The following ZNF850 variants were observed in gnomAD, a reference collection of about 807,000 sequenced individuals.
ZNF850 encodes the protein putative zinc finger protein ENSP00000330994.
ZNF850 carries 2 observed loss-of-function variants against 11.9 expected under a neutral mutation model. The observed-to-expected ratio is 0.17, with a 90% CI of 0.07 to 0.53. The LOEUF (loss-of-function observed/expected upper bound fraction) is 0.53. Among genes scored for constraint, ZNF850 ranks in the 20% least tolerant of loss-of-function variants. The pLI, the probability that ZNF850 is intolerant of heterozygous loss-of-function variation, is 0.94. For missense variants in ZNF850, 1,014 were observed against 1,316.4 expected (o/e 0.77, Z 3.55); for synonymous variants, 381 against 443.0 (o/e 0.86, Z 1.76).
In ZNF850 at chr19:36,748,430, A is replaced by G. The variant is rs1181365113; in HGVS notation, c.2610T>C (p.His870=). 1.3e-6 allele frequency: 2 copies of G among 1,560,578 alleles called. No homozygotes were observed. The highest frequency in any genetic ancestry group is 2.4e-5 in the East Asian group (1 of 42,216). The stretch of plus-strand genomic sequence containing the variant: ...CAAAAGATTTTCCACATTCCTTACA[A>G]TGATAGGGTTTCTCACCAGTGTGAA... ...QRIHTGEKPY[H]CKECGKSFAF... is the part of the protein sequence containing the mutation. Residue 870 remains histidine, a synonymous_variant, in exon 5 of 5, where the codon CAT becomes CAC. Coordinates refer to ENST00000591344, the MANE Select transcript of ZNF850 (RefSeq NM_001193552.2).
Position 36,761,673 on chromosome 19 carries a change from A to G in ZNF850, c.205T>C (p.Ser69Pro). The G allele has an allele frequency of 6.4e-7, 1 of 1,560,900 alleles. No individual in the cohort carries two copies. Among genetic ancestry groups the G allele is most frequent in the East Asian group, 2.3e-5 (1 of 43,434 alleles). Reference sequence around the variant, plus strand: ...CACCATCCTCCCAGCACGTCCCTTGAAACCATCCAGGGCTCTTTCCCTTGC... The same window carrying G: ...CACCATCCTCCCAGCACGTCCCTTGGAACCATCCAGGGCTCTTTCCCTTGC... Reference protein sequence around the residue: ...LEQGKEPWMVSRDVLGGWCRD... With the variant: ...LEQGKEPWMVPRDVLGGWCRD... Residue 69 changes from serine to proline, a missense_variant, in exon 4 of 5, where the codon TCA becomes CCA. Around this residue, in one of 2 missense-constraint regions of ZNF850, gnomAD observed 835 missense variants for 1,022.0 expected, o/e 0.82. Coordinates refer to ENST00000591344, the MANE Select transcript of ZNF850 (RefSeq NM_001193552.2).
At chr19:36,763,700 A>C (rs775539974) in intron 1 of ZNF850, among the ~76,000 whole-genome samples, 7 of 152,090 alleles carry the variant, frequency 4.6e-5, no homozygotes, top group African/African-American at 1.7e-4. Context: ...AGGCCAAGGC[A>C]GATGAATTGC....
rs969017526 is a variant in ZNF850, at chr19:36,745,992, T to C, written c.*1775A>G. On this transcript the variant is annotated 3_prime_UTR_variant, in exon 5 of 5. Coordinates refer to ENST00000591344, the MANE Select transcript of ZNF850 (RefSeq NM_001193552.2). ...TGCAAGATGTTTTCTCAGCAAGGTCTTTATGACCTGTATCTTATGCTGACC... is the reference window on the plus strand; with the variant it reads ...TGCAAGATGTTTTCTCAGCAAGGTCCTTATGACCTGTATCTTATGCTGACC... The C allele has an allele frequency of 6.6e-6, 1 of 152,246 alleles. No homozygotes were observed. The highest frequency in any genetic ancestry group is 2.4e-5 in the African/African-American group (1 of 41,466). The allele number at this position is 152,246 out of a possible 1,614,324, so 9.4% of individuals were successfully genotyped here.
chr19:36,751,901 T>C (rs927847706), intron 4 of ZNF850, among the ~76,000 whole-genome samples: 6 of 152,104 alleles, frequency 3.9e-5, no homozygotes, highest in South Asian at 2.1e-4. Context: ...GGAAACTACA[T>C]GTGATGTATA....
chr19:36,753,485 C>T (rs2040467040), intron 4 of ZNF850, among the ~76,000 whole-genome samples: 2 of 144,134 alleles, frequency 1.4e-5, no homozygotes, highest in Non-Finnish European at 1.5e-5. Context: ...CTCAGGTACT[C>T]GGGAGGCTAA....
rs909369057 is a variant in ZNF850, at chr19:36,750,167, A to G, written c.873T>C (p.Thr291=). Residue 291 remains threonine (T), a synonymous_variant, in exon 5 of 5, where the codon ACT becomes ACC. Coordinates refer to ENST00000591344, the MANE Select transcript of ZNF850 (RefSeq NM_001193552.2). ...YECKECGKSF[T]SGSTLNQHQQ... ...GATGTTGATTTAGTGTTGAGCCAGA[A>G]GTAAAAGATTTCCCACATTCTTTAC... The G allele has an allele frequency of 6.5e-7, 1 of 1,539,082 alleles. No individual in the cohort carries two copies.
chr19:36,752,502 T>A (rs943914088), intron 4 of ZNF850, among the ~76,000 whole-genome samples: 3 of 152,174 alleles, frequency 2.0e-5, no homozygotes, highest in African/African-American at 4.8e-5. Context: ...CAAATTTTTT[T>A]AAATCTGTGT....
intron 1 of ZNF850, among the ~76,000 whole-genome samples, chr19:36,768,429 T>C (rs1376148701): frequency 6.6e-6 from 1 of 152,246 alleles, no homozygotes; most frequent in African/African-American, 2.4e-5. Flanking sequence ...TTATTTTCAT[T>C]GTTGCTTAAT....
chr19:36,749,065 C>T lies in ZNF850; in HGVS notation c.1975G>A (p.Gly659Arg), dbSNP rs1242005661. ...ECGKAFVSVS[G>R]LTQHHRIHTG... is the part of the protein sequence containing the mutation. Reference sequence around the variant, plus strand: ...TGAATTCTGTGATGTTGGGTGAGTCCTGAGACACTGACAAAGGCTTTCCCA... The same window carrying T: ...TGAATTCTGTGATGTTGGGTGAGTCTTGAGACACTGACAAAGGCTTTCCCA... The change falls in exon 5 of 5, where the codon GGA becomes AGA. Residue 659 changes from glycine to arginine, a missense_variant. This residue lies in a region of ZNF850 where 835 missense variants were observed against 1,022.0 expected (regional missense o/e 0.82). Transcript: ENST00000591344. The T allele has an allele frequency of 6.2e-7, 1 of 1,604,204 alleles. No homozygotes were observed. Among genetic ancestry groups the T allele is most frequent in the South Asian group, 1.1e-5 (1 of 90,320 alleles).
Position 36,762,449 on chromosome 19 carries a change from T to C in ZNF850, c.13-18A>G. The C allele has an allele frequency of 1.9e-6, 3 of 1,544,922 alleles. No individual in the cohort carries two copies. The highest frequency in any genetic ancestry group is 2.6e-6 in the Non-Finnish European group (3 of 1,151,900). On this transcript the variant is annotated intron_variant, in intron 2 of 4. Coordinates refer to ENST00000591344, the MANE Select transcript of ZNF850 (RefSeq NM_001193552.2). ...ACCAACCCCTGAAATGACAAACCCA[T>C]GCAGCGCTGTTGAAATTAAAGGAAA...
intron 4 of ZNF850, among the ~76,000 whole-genome samples, chr19:36,751,878 T>C (rs1419559825): frequency 6.6e-6 from 1 of 152,046 alleles, no homozygotes; most frequent in Non-Finnish European, 1.5e-5. Context: ...TGTACAAATA[T>C]AAAATGTTAA....
At position 36,750,366 on chromosome 19, in the gene ZNF850, C is replaced by T. The variant is rs1424990869; in HGVS notation, c.674G>A (p.Cys225Tyr). The T allele has an allele frequency of 5.2e-6, 8 of 1,536,380 alleles. No individual in the cohort carries two copies. The highest frequency in any genetic ancestry group is 4.9e-5 in the East Asian group (2 of 40,928). ...HQRIHTGEKP[C>Y]ACKEYGKAFI... ...AGCTTTTCCATATTCTTTACATGCACAGGGCTTTTCCCCAGTATGAATTCT... is the reference window on the plus strand; with the variant it reads ...AGCTTTTCCATATTCTTTACATGCATAGGGCTTTTCCCCAGTATGAATTCT... Residue 225 changes from cysteine (C) to tyrosine (Y), a missense_variant, in exon 5 of 5, where the codon TGT (cysteine) becomes TAT (tyrosine). By Grantham distance (194) the Cys-to-Tyr change is radical (BLOSUM62 -2). Around this residue, in one of 2 missense-constraint regions of ZNF850, gnomAD observed 835 missense variants for 1,022.0 expected, o/e 0.82. Coordinates refer to ENST00000591344, the MANE Select transcript of ZNF850 (RefSeq NM_001193552.2).
chr19:36,749,322 C>T lies in ZNF850; in HGVS notation c.1718G>A (p.Arg573His), dbSNP rs560322523. ...TCGCTGATGTTGAATTAGTGCTGAG[C>T]GAGAAGTAAAAGATTTTCCACATTC... ...CKECGKSFTS[R>H]SALIQHQRIH... Residue 573 changes from arginine to histidine, a missense_variant, in exon 5 of 5, where the codon CGC (arginine) becomes CAC (histidine). Arg to His is a conservative substitution (Grantham distance 29, BLOSUM62 0). Transcript: ENST00000591344. 223 of 1,555,552 alleles carry T rather than the reference C, an allele frequency of 1.4e-4. No individual in the cohort carries two copies. The African/African-American group carries it at 2.0e-3, about 14-fold the overall frequency.
intron 2 of ZNF850, 28 bp downstream of exon 2, chr19:36,762,567 A>T: frequency 6.5e-7 from 1 of 1,536,028 alleles, no homozygotes; most frequent in South Asian, 1.2e-5. Flanking sequence ...GGAAGAGTAA[A>T]AAAATTAGTG....
Position 36,750,260 on chromosome 19 carries a change from C to T in ZNF850, c.780G>A (p.Lys260=), listed in dbSNP as rs1600605029. Residue 260 remains lysine, a synonymous_variant, in exon 5 of 5, where the codon AAG becomes AAA. Coordinates refer to ENST00000591344, the MANE Select transcript of ZNF850 (RefSeq NM_001193552.2). ...ERPHECQESV[K]AFRPSAHLIQ... is the part of the protein sequence containing the mutation. ...TAAGATGTGCAGACGGTCTAAAGGC[C>T]TTCACGGATTCCTGACACTCATGAG... The T allele has an allele frequency of 4.6e-6, 7 of 1,537,432 alleles. No individual in the cohort carries two copies. The East Asian group carries it at 1.7e-4, about 38-fold the overall frequency.
At position 36,749,470 on chromosome 19, in the gene ZNF850, G is replaced by A; in HGVS notation, c.1570C>T (p.Gln524Ter). The A allele has an allele frequency of 6.4e-7, 1 of 1,550,802 alleles. No individual in the cohort carries two copies. The highest frequency in any genetic ancestry group is 8.7e-7 in the Non-Finnish European group (1 of 1,152,742). Reference sequence around the variant, plus strand: ...GGTTTCTCACCAGTGTGAATTCGCTGATGTTGAAGTAGTGCTGAGCCAGAA... The same window carrying A: ...GGTTTCTCACCAGTGTGAATTCGCTAATGTTGAAGTAGTGCTGAGCCAGAA... ...FASGSALLQH[Q>*]RIHTGEKPYH... The change falls in exon 5 of 5, where the codon CAG becomes TAG. Residue 524 changes from glutamine (Q) to a stop codon, truncating the protein, a stop_gained. Coordinates refer to ENST00000591344, the MANE Select transcript of ZNF850 (RefSeq NM_001193552.2). LOFTEE classifies it low-confidence loss of function (END_TRUNC).
At chr19:36,751,881 A>G (rs567583810) in intron 4 of ZNF850, among the ~76,000 whole-genome samples, 2 of 152,122 alleles carry the variant, frequency 1.3e-5, no homozygotes, top group Non-Finnish European at 2.9e-5. Flanking sequence ...ACAAATATAA[A>G]ATGTTAATGG....
Position 36,746,108 on chromosome 19 carries a change from G to C in ZNF850, c.*1659C>G, listed in dbSNP as rs2040410042. On this transcript the variant is annotated 3_prime_UTR_variant, in exon 5 of 5. Transcript: ENST00000591344. ...GTTACTTTACACAGCTCCTATTCAA[G>C]AAGAAGTTGCTCTGGTTTACACGCC... The C allele has an allele frequency of 6.6e-6, 1 of 152,166 alleles. No homozygotes were observed. Among genetic ancestry groups the C allele is most frequent in the African/African-American group, 2.4e-5 (1 of 41,436 alleles). 9.4% of individuals were successfully genotyped at this position (152,166 alleles called of 1,614,324 possible).
intron 1 of ZNF850, among the ~76,000 whole-genome samples, chr19:36,766,779 G>GA (rs2040551559): frequency 6.6e-6 from 1 of 152,112 alleles, no homozygotes; most frequent in Non-Finnish European, 1.5e-5. Flanking sequence ...ACACAAACAG[G>GA]AAAAAATTGG....
Sources: allele counts gnomAD v4.1 joint callset (sites outside exome capture counted in the v4.1 genomes callset), GRCh38; gene constraint gnomAD v4.1.1; regional missense constraint gnomAD v4.1.1; transcripts MANE v1.5; gene names NCBI Gene and HGNC (gene_info 2026-07-23, HGNC 2026-07-21).